The following FBXW9 variants were observed in gnomAD, a reference collection of about 807,000 sequenced individuals.
FBXW9 encodes F-box and WD repeat domain containing 9, also known as F-box/WD repeat-containing protein 9.
Under a neutral mutation model 55.8 loss-of-function variants are expected in FBXW9, and 38 were observed. That is an observed-to-expected ratio of 0.68 (90% CI 0.53 to 0.89). The LOEUF is 0.89. Ranked by LOEUF, FBXW9 falls within the 40% of genes least tolerant of loss-of-function variation. The pLI, the probability that FBXW9 is intolerant of heterozygous loss-of-function variation, is 0.00. For synonymous variants in FBXW9, 289 were observed against 278.2 expected (o/e 1.04, Z -0.38); for missense variants, 590 against 619.4 (o/e 0.95, Z 0.50).
intron 1 of FBXW9, 27 bp from the exon 2 acceptor site, chr19:12,694,965 C>G: frequency 6.2e-7 from 1 of 1,604,640 alleles, no homozygotes; most frequent in Non-Finnish European, 8.5e-7. Flanking sequence ...GTAGGGTGCC[C>G]AGTGGGCAGG....
rs770701957 is a variant in FBXW9 at position 12,689,766 on chromosome 19, T to A, written c.1141A>T (p.Ile381Phe). 3 of 1,613,864 alleles carry A rather than the reference T, an allele frequency of 1.9e-6. No individual in the cohort carries two copies. Among genetic ancestry groups the A allele is most frequent in the Non-Finnish European group, 2.5e-6 (3 of 1,179,870 alleles). ...GGGCAGGAGCTCCAGCAGACCCGGA[T>A]AAGCTGGAAGCAGCCGTTGCGGTTG... ...FANRNGCFQL[I>F]RSFDVGHSFP... is the part of the protein sequence containing the mutation. Residue 381 changes from isoleucine to phenylalanine, a missense_variant, in exon 7 of 10, where the codon ATC becomes TTC. Physicochemically the swap from Ile to Phe is conservative, Grantham distance 21. Transcript: ENST00000393261. This position sits in a 1 kb window ranked among gnomAD's most constrained non-coding sequence, Gnocchi z 5.9.
chr19:12,693,518 AAAAAAAAAAAAATAT>A (rs1368264447), intron 3 of FBXW9, among the ~76,000 whole-genome samples: 8 of 32,474 alleles, frequency 2.5e-4, no homozygotes, highest in South Asian at 9.7e-4. Context: ...AAAAAAAAAA[AAAAAAAAAAAAATAT>A]ATATATATAT....
In FBXW9 at chr19:12,694,638, C is replaced by T; in HGVS notation, c.634G>A (p.Val212Ile). 2 of 1,614,232 alleles carry T rather than the reference C, an allele frequency of 1.2e-6. No individual in the cohort carries two copies. Among genetic ancestry groups the T allele is most frequent in the Non-Finnish European group, 1.7e-6 (2 of 1,180,040 alleles). The change falls in exon 3 of 10, where the codon GTT becomes ATT. Residue 212 changes from valine (V) to isoleucine (I), a missense_variant. Coordinates refer to ENST00000393261, the MANE Select transcript of FBXW9 (RefSeq NM_032301.3). Reference sequence around the variant, plus strand: ...TTAGTGCCTAAGGTCTTGATCAGAACCTGGTTGGACTCCGTCCCCAGCTGC... The same window carrying T: ...TTAGTGCCTAAGGTCTTGATCAGAATCTGGTTGGACTCCGTCCCCAGCTGC... ...LRQLGTESNQVLIKTLGTKRN... is the reference protein window; with the variant it reads ...LRQLGTESNQILIKTLGTKRN...
rs777959073 is a variant in FBXW9 at position 12,696,322 on chromosome 19, A to G, written c.260T>C (p.Leu87Pro). The G allele has an allele frequency of 4.4e-6, 7 of 1,589,738 alleles. No homozygotes were observed. The South Asian group carries it at 6.8e-5, about 15-fold the overall frequency. The stretch of plus-strand genomic sequence containing the variant: ...GTCCAGGTAGGAGCAGATCTCGAGC[A>G]GCAGCTCCGGGGGAAGGCTCAGAAG... ...PGLLSLPPEL[L>P]LEICSYLDAR... Residue 87 changes from leucine to proline, a missense_variant, in exon 1 of 10, where the codon CTG becomes CCG. Leu to Pro is a moderately conservative substitution (Grantham distance 98). Coordinates refer to ENST00000393261, the MANE Select transcript of FBXW9 (RefSeq NM_032301.3).
intron 5 of FBXW9, 192 bp from the exon 6 acceptor site, chr19:12,690,302 T>C: frequency 1.1e-6 from 1 of 877,698 alleles, no homozygotes; most frequent in Non-Finnish European, 1.8e-6. Context: ...GCCCCAGGCC[T>C]CTGCCCATCC....
intron 3 of FBXW9, among the ~76,000 whole-genome samples, chr19:12,693,833 G>A (rs1343305131): frequency 6.6e-6 from 1 of 151,380 alleles, no homozygotes; most frequent in African/African-American, 2.4e-5. Context: ...AGAGGTTGCA[G>A]TGGGCCGAGA....
In FBXW9 at chr19:12,689,628, G is replaced by A. The variant is rs746208067; in HGVS notation, c.1149C>T (p.Ser383=). 4 of 1,613,928 alleles carry A rather than the reference G, an allele frequency of 2.5e-6. No individual in the cohort carries two copies. Among genetic ancestry groups the A allele is most frequent in the Non-Finnish European group, 3.4e-6 (4 of 1,179,952 alleles). Residue 383 remains serine (S), a splice_region_variant and synonymous_variant, in exon 8 of 10, where the codon TCC becomes TCT. Transcript: ENST00000393261. This position sits in a 1 kb window ranked among gnomAD's most constrained non-coding sequence, Gnocchi z 5.9. The part of the protein sequence containing the change: ...NRNGCFQLIR[S]FDVGHSFPIT... ...TGGGAAAGCTGTGGCCCACATCAAA[G>A]GACTGCAGGAGGAGGATCAGGCAAC...
At chr19:12,695,648 C>T (rs1245095361) in intron 1 of FBXW9, among the ~76,000 whole-genome samples, 1 of 152,168 alleles carries the variant, frequency 6.6e-6, no homozygotes, top group Non-Finnish European at 1.5e-5. Context: ...CCCAAGCTGT[C>T]TTCCCTCAGG....
chr19:12,693,398 C>T (rs1416206984), intron 3 of FBXW9, among the ~76,000 whole-genome samples: 1 of 147,584 alleles, frequency 6.8e-6, no homozygotes, highest in Non-Finnish European at 1.5e-5. Context: ...GTGGCTCATG[C>T]CTGTAATCCT....
Position 12,694,896 on chromosome 19 carries a change from T to C in FBXW9, c.452A>G (p.Gln151Arg). 6.2e-7 allele frequency: 1 copy of C among 1,614,044 alleles called. No individual in the cohort carries two copies. The highest frequency in any genetic ancestry group is 8.5e-7 in the Non-Finnish European group (1 of 1,180,040). The part of the protein sequence containing the change: ...DWPAACIALE[Q>R]HLSRWAEDGR... The stretch of plus-strand genomic sequence containing the variant: ...ATCCTCTGCCCAGCGGGACAGGTGC[T>C]GCTCCAGCGCAATGCAGGCTGCCGG... The change falls in exon 2 of 10, where the codon CAG becomes CGG. Residue 151 changes from glutamine to arginine, a missense_variant. By Grantham distance (43) the Gln-to-Arg change is conservative (BLOSUM62 1). Coordinates refer to ENST00000393261, the MANE Select transcript of FBXW9 (RefSeq NM_032301.3).
rs150804197 is a variant in FBXW9, at chr19:12,694,925, G to C, written c.423C>G (p.Asp141Glu). Reference protein sequence around the residue: ...PYPVVEEKNFDWPAACIALEQ... With the variant: ...PYPVVEEKNFEWPAACIALEQ... ...CCAGCGCAATGCAGGCTGCCGGCCA[G>C]TCAAAGTTCTTCTCTGTGGGTTACC... is the stretch of plus-strand genomic sequence containing the variant. The change falls in exon 2 of 10, where the codon GAC becomes GAG. Residue 141 changes from aspartate (D) to glutamate (E), a missense_variant. Asp to Glu is a conservative substitution (Grantham distance 45). Coordinates refer to ENST00000393261, the MANE Select transcript of FBXW9 (RefSeq NM_032301.3). 3,334 of 1,613,460 alleles carry C rather than the reference G, an allele frequency of 2.1e-3. 71 individuals are homozygous for C. Among genetic ancestry groups the C allele is most frequent in the Non-Finnish European group, 4.0e-4 (476 of 1,179,944 alleles).
Position 12,694,934 on chromosome 19 carries a change from C to A in FBXW9, c.414G>T (p.Lys138Asn). Residue 138 changes from lysine to asparagine, a missense_variant, in exon 2 of 10, where the codon AAG (lysine) becomes AAT (asparagine). Coordinates refer to ENST00000393261, the MANE Select transcript of FBXW9 (RefSeq NM_032301.3). The part of the protein sequence containing the change: ...VRAPYPVVEE[K>N]NFDWPAACIA... ...TGCAGGCTGCCGGCCAGTCAAAGTT[C>A]TTCTCTGTGGGTTACCACGAGTAGG... 6.2e-6 allele frequency: 10 copies of A among 1,613,028 alleles called. No individual in the cohort carries two copies. The highest frequency in any genetic ancestry group is 8.5e-6 in the Non-Finnish European group (10 of 1,179,924).
intron 5 of FBXW9, 93 bp from the exon 6 acceptor site, chr19:12,690,203 G>A: frequency 6.3e-7 from 1 of 1,586,040 alleles, no homozygotes; most frequent in East Asian, 2.3e-5. Context: ...CATCCTGTCT[G>A]GCAAAACCCT....
Position 12,694,792 on chromosome 19 carries a change from G to A in FBXW9, c.549+7C>T, listed in dbSNP as rs775519802. ...CCCTGCCTGGCCCCCCACAGACCCC[G>A]TCTCACCTGGAGCAGCAGCACTGAG... On this transcript the variant is annotated splice_region_variant and intron_variant, in intron 2 of 9. Transcript: ENST00000393261. The A allele has an allele frequency of 1.1e-5, 18 of 1,613,902 alleles. No homozygotes were observed. Among genetic ancestry groups the A allele is most frequent in the East Asian group, 2.2e-5 (1 of 44,880 alleles).
At chr19:12,693,421 G>T (rs913417811) in intron 3 of FBXW9, among the ~76,000 whole-genome samples, 1 of 145,150 alleles carries the variant, frequency 6.9e-6, no homozygotes, top group Non-Finnish European at 1.5e-5. Flanking sequence ...CATTTTGGAA[G>T]GCTGAGTCAG....
At position 12,693,588 on chromosome 19, in the gene FBXW9, ACACACACACACACACACAC is replaced by A. The variant is rs1568326366; in HGVS notation, c.678+987_678+1005del. Among the ~76,000 whole-genome samples the A allele has an allele frequency of 1.7e-4, 20 of 119,786 alleles. 3 individuals carry two copies. Among genetic ancestry groups the A allele is most frequent in the African/African-American group, 7.1e-4 (16 of 22,530 alleles). 78.6% of individuals were successfully genotyped at this position (119,786 alleles called of 152,430 possible). A position where few individuals can be genotyped will look rare whatever the true frequency, so the allele number is the denominator to read the frequency against. ...CACACACACACACACACACACACAC[ACACACACACACACACACAC>A]AAAAGAAATTAGCTGGGCATGGTGG... On this transcript the variant is annotated intron_variant, in intron 3 of 9. Transcript: ENST00000393261.
rs58312983 is a variant in FBXW9 at position 12,689,894 on chromosome 19, C to T, written c.1033-20G>A. ...GTCCAGCTACGAGAGGGACAAGGGA[C>T]GGGACAGCTCAGGCCGGGCTGGGCC... is the stretch of plus-strand genomic sequence containing the variant. On this transcript the variant is annotated intron_variant, in intron 6 of 9. Coordinates refer to ENST00000393261, the MANE Select transcript of FBXW9 (RefSeq NM_032301.3). The surrounding 1 kb of genome is among the most constrained non-coding windows in gnomAD (Gnocchi z 5.9). The T allele has an allele frequency of 1.2e-4, 194 of 1,612,992 alleles. No homozygotes were observed. Among genetic ancestry groups the T allele is most frequent in the Middle Eastern group, 1.6e-4 (1 of 6,084 alleles).
Position 12,694,173 on chromosome 19 carries a change from C to CAA in FBXW9, c.678+419_678+420dup, listed in dbSNP as rs780649866. Among the ~76,000 whole-genome samples the CAA allele has an allele frequency of 9.1e-4, 82 of 90,054 alleles. 1 individual carries two copies. Among genetic ancestry groups the CAA allele is most frequent in the African/African-American group, 3.2e-3 (75 of 23,582 alleles). The allele number at this position is 90,054 out of a possible 152,430, so 59.1% of individuals were successfully genotyped here. On this transcript the variant is annotated intron_variant, in intron 3 of 9. Coordinates refer to ENST00000393261, the MANE Select transcript of FBXW9 (RefSeq NM_032301.3). ...CTAGCAACAGAGTGAGACTCCATCT[C>CAA]AAAAAAAAAAAAAAAAAATTAGACA...
intron 3 of FBXW9, 48 bp downstream of exon 3, chr19:12,694,546 G>A: frequency 1.3e-6 from 2 of 1,587,958 alleles, no homozygotes; most frequent in Non-Finnish European, 1.7e-6. Context: ...CCTTAACCAA[G>A]ATGCCCTACT....
Sources: gnomAD v4.1 joint callset for allele counts (sites outside exome capture counted in the v4.1 genomes callset) on GRCh38, gnomAD v4.1.1 for gene constraint, Gnocchi (gnomAD v3.1) non-coding constraint, MANE v1.5 for transcripts, NCBI Gene and HGNC (gene_info 2026-07-23, HGNC 2026-07-21) for gene names.